Variants in ATXN2 observed in about 807,000 individuals in gnomAD.
ATXN2 encodes the protein ataxin-2.
ATXN2 carries 37 observed loss-of-function variants against 138.6 expected under a neutral mutation model. The observed-to-expected ratio is 0.27, with a 90% CI of 0.21 to 0.35. ATXN2 has a LOEUF of 0.35. Ranked by LOEUF, ATXN2 falls within the 10% of genes least tolerant of loss-of-function variation. The pLI is 1.00. For synonymous variants in ATXN2, 549 were observed against 543.7 expected (o/e 1.01, Z -0.13); for missense variants, 1,216 against 1,480.3 (o/e 0.82, Z 2.93).
chr12:111,460,894 T>C (rs1229813010), intron 21 of ATXN2, among the ~76,000 whole-genome samples: 1 of 152,190 alleles, frequency 6.6e-6, no homozygotes, highest in African/African-American at 2.4e-5. Context: ...CTAATTTGCA[T>C]GCATAGCACA....
chr12:111,573,870 CT>C (rs778132052), intron 1 of ATXN2, among the ~76,000 whole-genome samples: 8,993 of 136,350 alleles, frequency 0.066, 821 homozygotes, highest in African/African-American at 0.21. Flanking sequence ...TTTTTTCTTT[CT>C]TTTTTTTTTT....
intron 1 of ATXN2, among the ~76,000 whole-genome samples, chr12:111,559,007 A>C (rs1882531876): frequency 6.6e-6 from 1 of 152,042 alleles, no homozygotes; most frequent in African/African-American, 2.4e-5. Context: ...GATAGACCTA[A>C]TCAAGTTTAC....
chr12:111,483,795 C>T (rs1035169493), intron 18 of ATXN2, among the ~76,000 whole-genome samples: 3 of 152,146 alleles, frequency 2.0e-5, no homozygotes. Flanking sequence ...TCTTATTTTT[C>T]TTTTTGAGGC....
At position 111,453,765 on chromosome 12, in the gene ATXN2, G is replaced by A. The variant is rs185470864; in HGVS notation, c.3351C>T (p.Gly1117=). 38 of 1,614,086 alleles carry A rather than the reference G, an allele frequency of 2.4e-5. No homozygotes were observed. The East Asian group carries it at 3.3e-4, about 14-fold the overall frequency. The change falls in exon 24 of 25, where the codon GGC becomes GGT. Residue 1117 remains glycine, a synonymous_variant. Transcript: ENST00000673436. The surrounding 1 kb of genome is among the most constrained non-coding windows in gnomAD (Gnocchi z 5.4). ...TTTGAGCGAGGGCGGCCTGGGGACCGCCGGGTGGCTGTGTCGTCATTAGCA... is the reference window on the plus strand; with the variant it reads ...TTTGAGCGAGGGCGGCCTGGGGACCACCGGGTGGCTGTGTCGTCATTAGCA... The part of the protein sequence containing the change: ...PMMLMTTQPP[G]GPQAALAQSA...
At chr12:111,498,321 C>A (rs1878556050) in intron 14 of ATXN2, among the ~76,000 whole-genome samples, 1 of 152,074 alleles carries the variant, frequency 6.6e-6, no homozygotes, top group Non-Finnish European at 1.5e-5. Context: ...TTTGGAAAAA[C>A]CTAGACTCCA....
chr12:111,483,574 TTTGTACTCCTGACCTC>T (rs551201002), intron 18 of ATXN2, among the ~76,000 whole-genome samples: 2 of 151,412 alleles, frequency 1.3e-5, no homozygotes, highest in South Asian at 4.2e-4. Flanking sequence ...CCAGGATGGT[TTTGTACTCCTGACCTC>T]AAGTGATCTG....
intron 1 of ATXN2, among the ~76,000 whole-genome samples, chr12:111,569,780 T>TGA (rs1883211257): frequency 6.6e-6 from 1 of 152,044 alleles, no homozygotes; most frequent in African/African-American, 2.4e-5. Context: ...CTTTACCCCT[T>TGA]GAGTCCCTCT....
upstream of ATXN2, chr12:111,599,632 G>A (rs1885174854): frequency 2.8e-6 from 3 of 1,081,542 alleles, no homozygotes; most frequent in Non-Finnish European, 3.4e-6. Context: ...GGCCGGGAGG[G>A]ACACGTGAGG....
intron 16 of ATXN2, 113 bp from the exon 17 acceptor site, chr12:111,485,978 T>C: frequency 2.0e-6 from 2 of 1,000,554 alleles, no homozygotes; most frequent in Non-Finnish European, 2.7e-6. Flanking sequence ...ACTATGTCCC[T>C]TTTATTGAAA....
chr12:111,462,969 T>TACACACACACAC (rs199797015), intron 21 of ATXN2, among the ~76,000 whole-genome samples: 99 of 136,236 alleles, frequency 7.3e-4, no homozygotes, highest in African/African-American at 2.4e-3. Flanking sequence ...CATACATATA[T>TACACACACACAC]ATATATATAC....
At chr12:111,473,237 G>A (rs1320744541) in intron 18 of ATXN2, among the ~76,000 whole-genome samples, 1 of 150,682 alleles carries the variant, frequency 6.6e-6, no homozygotes, top group East Asian at 2.0e-4. Context: ...TCATCCCACT[G>A]CACTCCAGCC....
At chr12:111,546,771 C>T (rs1881820036) in intron 5 of ATXN2, among the ~76,000 whole-genome samples, 1 of 152,112 alleles carries the variant, frequency 6.6e-6, no homozygotes, top group African/African-American at 2.4e-5. Context: ...CGACTGAAGG[C>T]CCTAAGAAGT....
chr12:111,534,070 AT>A (rs1881000065), intron 5 of ATXN2, among the ~76,000 whole-genome samples: 1 of 151,912 alleles, frequency 6.6e-6, no homozygotes, highest in Non-Finnish European at 1.5e-5. Flanking sequence ...GTATAAAAAT[AT>A]TTTTTAAAAT....
chr12:111,554,630 A>T (rs946595068), intron 2 of ATXN2, among the ~76,000 whole-genome samples: 1 of 152,214 alleles, frequency 6.6e-6, no homozygotes, highest in African/African-American at 2.4e-5. Context: ...AAGCAAGAGT[A>T]AACTTCCATA....
chr12:111,455,698 T>G, intron 23 of ATXN2: 1 of 401,728 alleles, frequency 2.5e-6, no homozygotes, highest in South Asian at 2.3e-5. Flanking sequence ...GGAATATATA[T>G]GTACACATAT....
At chr12:111,486,616 T>C in intron 16 of ATXN2, 145 bp downstream of exon 16, 1 of 638,452 alleles carries the variant, frequency 1.6e-6, no homozygotes, top group Non-Finnish European at 2.7e-6. Flanking sequence ...TAAAAAGTAT[T>C]CATTAATGGC....
intron 1 of ATXN2, among the ~76,000 whole-genome samples, chr12:111,597,576 T>A (rs1460428255): frequency 6.6e-6 from 1 of 152,148 alleles, no homozygotes; most frequent in Non-Finnish European, 1.5e-5. Context: ...CTTTGAACAC[T>A]AAGCATTTTC....
chr12:111,453,961 G>A lies in ATXN2; in HGVS notation c.3271-116C>T, dbSNP rs1351005949. The A allele has an allele frequency of 4.8e-6, 5 of 1,032,288 alleles. No homozygotes were observed. Among genetic ancestry groups the A allele is most frequent in the Non-Finnish European group, 7.0e-6 (5 of 716,986 alleles). 63.9% of individuals were successfully genotyped at this position (1,032,288 alleles called of 1,614,324 possible). A position where few individuals can be genotyped will look rare whatever the true frequency, so the allele number is the denominator to read the frequency against. ...AGGAAAGGGCAACGGTGGGCCTCAGGGCCCAGTTCTGTTCTCTGGGGACAA... is the reference window on the plus strand; with the variant it reads ...AGGAAAGGGCAACGGTGGGCCTCAGAGCCCAGTTCTGTTCTCTGGGGACAA... On this transcript the variant is annotated intron_variant, in intron 23 of 24. Coordinates refer to ENST00000673436, the MANE Select transcript of ATXN2 (RefSeq NM_001372574.1). The surrounding 1 kb of genome is among the most constrained non-coding windows in gnomAD (Gnocchi z 5.4).
intron 1 of ATXN2, among the ~76,000 whole-genome samples, chr12:111,587,697 C>T (rs1884414378): frequency 6.6e-6 from 1 of 152,014 alleles, no homozygotes. Flanking sequence ...ATTGGCAACA[C>T]TGTTCAATAA....
Sources: gnomAD v4.1 joint callset for allele counts (sites outside exome capture counted in the v4.1 genomes callset) on GRCh38, gnomAD v4.1.1 for gene constraint, Gnocchi (gnomAD v3.1) non-coding constraint, MANE v1.5 for transcripts, NCBI Gene and HGNC (gene_info 2026-07-23, HGNC 2026-07-21) for gene names.